Variants in ZNF559 observed in about 807,000 individuals in gnomAD.
ZNF559 encodes the protein zinc finger protein 559.
In ZNF559, 17 loss-of-function variants were observed where a neutral mutation model predicts 14.2. The ratio of observed to expected loss-of-function variants is 1.20; its 90% CI spans 0.82 to 1.80. ZNF559 has a LOEUF of 1.80. Among genes scored for constraint, ZNF559 ranks in the 40% most tolerant of loss-of-function variants. ZNF559 has a pLI of 0.00. For missense variants in ZNF559, 740 were observed against 629.7 expected, an observed-to-expected ratio of 1.18 and a Z score of -1.88; for synonymous variants, 244 against 212.4, an observed-to-expected ratio of 1.15 and a Z score of -1.29.
rs138662165 is a variant in ZNF559, at chr19:9,341,964, A to G, written c.513A>G (p.Leu171=). The G allele has an allele frequency of 7.4e-6, 12 of 1,613,676 alleles. No homozygotes were observed. The highest frequency in any genetic ancestry group is 1.0e-5 in the Non-Finnish European group (12 of 1,179,924). The change falls in exon 7 of 7, where the codon CTA becomes CTG. Residue 171 remains leucine, a synonymous_variant. Transcript: ENST00000603380. ...TTTGCAAGAAAACTAGCCAAAATCT[A>G]CATCTTGTTTGCAAGAAAACTCACA... ...HLVCKKTSQN[L]HLVCKKTHTQ...
Position 9,341,562 on chromosome 19 carries a change from A to C in ZNF559, c.244-133A>C, listed in dbSNP as rs947962346. ...AGGTCTGAACCATGCCTTGCAATGA[A>C]AATGGCAGGAACAAACAGTTTCAAT... On this transcript the variant is annotated intron_variant, in intron 6 of 6. Coordinates refer to ENST00000603380, the MANE Select transcript of ZNF559 (RefSeq NM_032497.3). The C allele has an allele frequency of 1.1e-5, 17 of 1,495,002 alleles. No individual in the cohort carries two copies. The Admixed American group carries it at 3.1e-4, about 27-fold the overall frequency. The allele number at this position is 1,495,002 out of a possible 1,614,324, so 92.6% of individuals were successfully genotyped here.
intron 2 of ZNF559, among the ~76,000 whole-genome samples, chr19:9,328,551 T>C (rs10423605): frequency 0.61 from 92,272 of 151,338 alleles, 28,737 homozygotes; most frequent in African/African-American, 0.73. Flanking sequence ...CGAGCTTTCA[T>C]CATGTTGGCT....
chr19:9,323,918 CTCT>C (rs2066425322), upstream of ZNF559: 1 of 560,732 alleles, frequency 1.8e-6, no homozygotes, highest in African/African-American at 1.9e-5. Flanking sequence ...CAAATCCCAG[CTCT>C]TGTTCTTTTG....
In ZNF559 at chr19:9,342,491, A is replaced by G; in HGVS notation, c.1040A>G (p.His347Arg). Residue 347 changes from histidine (H) to arginine (R), a missense_variant, in exon 7 of 7, where the codon CAC (histidine) becomes CGC (arginine). By Grantham distance (29) the His-to-Arg change is conservative. Coordinates refer to ENST00000603380, the MANE Select transcript of ZNF559 (RefSeq NM_032497.3). ...SSGLIKHRRT[H>R]TGEKPYECKE... ...GGTCTTATAAAACACAGGCGAACTC[A>G]CACTGGAGAAAAGCCTTATGAATGT... is the stretch of plus-strand genomic sequence containing the variant. 6.2e-7 allele frequency: 1 copy of G among 1,614,206 alleles called. No homozygotes were observed. Among genetic ancestry groups the G allele is most frequent in the Non-Finnish European group, 8.5e-7 (1 of 1,180,030 alleles).
intron 3 of ZNF559, 85 bp from the exon 4 acceptor site, chr19:9,338,409 G>T: frequency 1.1e-6 from 1 of 942,878 alleles, no homozygotes; most frequent in East Asian, 2.6e-5. Flanking sequence ...TGTCCACTTA[G>T]CATTAGTATG....
chr19:9,340,607 G>T (rs183508806), intron 5 of ZNF559, among the ~76,000 whole-genome samples: 1 of 139,756 alleles, frequency 7.2e-6, no homozygotes, highest in Non-Finnish European at 1.5e-5. Context: ...TTGCTCTATC[G>T]CCAGGCTGAA....
rs1396770496 is a variant in ZNF559 at position 9,339,239 on chromosome 19, A to G, written c.80A>G (p.Glu27Gly). 2.5e-6 allele frequency: 4 copies of G among 1,613,964 alleles called. No homozygotes were observed. The South Asian group carries it at 3.3e-5, about 13-fold the overall frequency. ...GTGGCTGTGGACTTCACCCAGGAGGAGTGGACTTTGCTGGATCAAACTCAG... is the reference window on the plus strand; with the variant it reads ...GTGGCTGTGGACTTCACCCAGGAGGGGTGGACTTTGCTGGATCAAACTCAG... Reference protein sequence around the residue: ...EDVAVDFTQEEWTLLDQTQRN... With the variant: ...EDVAVDFTQEGWTLLDQTQRN... The change falls in exon 5 of 7, where the codon GAG (glutamate) becomes GGG (glycine). Residue 27 changes from glutamate (E) to glycine (G), a missense_variant. Transcript: ENST00000603380.
In ZNF559 at chr19:9,341,441, T is replaced by C. The variant is rs956226231; in HGVS notation, c.244-254T>C. The C allele has an allele frequency of 1.3e-5, 10 of 779,028 alleles. No individual in the cohort carries two copies. In the African/African-American group the frequency reaches 1.7e-4, roughly 13 times the overall value. The allele number at this position is 779,028 out of a possible 1,614,324, so 48.3% of individuals were successfully genotyped here. On this transcript the variant is annotated intron_variant, in intron 6 of 6. Coordinates refer to ENST00000603380, the MANE Select transcript of ZNF559 (RefSeq NM_032497.3). ...ATGTTTTTGATAAATAATTCACTCT[T>C]GGGCCGTTATCAGCTAAGCTCTATT...
At chr19:9,340,733 A>ATTTTTTTTTTTTTTTTTTTTTTTTT (rs201367378) in intron 5 of ZNF559, among the ~76,000 whole-genome samples, 8 of 124,660 alleles carry the variant, frequency 6.4e-5, no homozygotes, top group Admixed American at 1.7e-4. Context: ...TGCCTGGCTA[A>ATTTTTTTTTTTTTTTTTTTTTTTTT]TTTTTTTTTT....
rs772104811 is a variant in ZNF559 at position 9,338,594 on chromosome 19, A to G, written c.33+12A>G. 1 of 1,606,404 alleles carries G rather than the reference A, an allele frequency of 6.2e-7. No individual in the cohort carries two copies. Among genetic ancestry groups the G allele is most frequent in the South Asian group, 1.1e-5 (1 of 90,882 alleles). On this transcript the variant is annotated intron_variant, in intron 4 of 6. Transcript: ENST00000603380. ...CAAATTACTCTCAGGTAAGTAGGAA[A>G]TTGCTTTTTCTGTAGAAGCATATGC...
rs926701256 is a variant in ZNF559 at position 9,337,863 on chromosome 19, G to C, written c.-57+5G>C. The C allele has an allele frequency of 6.6e-7, 1 of 1,511,450 alleles. No individual in the cohort carries two copies. Among genetic ancestry groups the C allele is most frequent in the Admixed American group, 2.0e-5 (1 of 49,216 alleles). The allele number at this position is 1,511,450 out of a possible 1,614,324, so 93.6% of individuals were successfully genotyped here. On this transcript the variant is annotated splice_donor_5th_base_variant and intron_variant, in intron 3 of 6. Transcript: ENST00000603380. Reference sequence around the variant, plus strand: ...CCTGTTGCTGAAAGATTGACGGTATGAGGCAAGACTCCCACTACTACTTAA... The same window carrying C: ...CCTGTTGCTGAAAGATTGACGGTATCAGGCAAGACTCCCACTACTACTTAA...
chr19:9,330,607 A>G (rs1406949774), intron 2 of ZNF559, among the ~76,000 whole-genome samples: 1 of 152,040 alleles, frequency 6.6e-6, no homozygotes, highest in Non-Finnish European at 1.5e-5. Flanking sequence ...TTAATATTTT[A>G]GTTCAATTAT....
intron 2 of ZNF559, among the ~76,000 whole-genome samples, chr19:9,330,953 G>A (rs752049364): frequency 3.3e-5 from 5 of 152,096 alleles, no homozygotes; most frequent in East Asian, 1.9e-4. Context: ...TGGGAAAGAC[G>A]TTCATCCATT....
Position 9,332,355 on chromosome 19 carries a change from G to GTGTATA in ZNF559, c.-119-5440_-119-5439insGTATAT, listed in dbSNP as rs138636441. 6.7e-3 allele frequency among the ~76,000 whole-genome samples: 1,009 copies of GTGTATA among 149,808 alleles called. 4 individuals carry two copies. The highest frequency in any genetic ancestry group is 0.02 in the African/African-American group (819 of 40,972). On this transcript the variant is annotated intron_variant, in intron 2 of 6. Transcript: ENST00000603380. Reference sequence around the variant, plus strand: ...GAGGTATACATATGTATGTGTGTGTGTATATATATATATATCACTGTATTC... The same window carrying GTGTATA: ...GAGGTATACATATGTATGTGTGTGTGTGTATATATATATATATATATCACTGTATTC...
At chr19:9,326,169 G>T (rs985021779) in intron 2 of ZNF559, among the ~76,000 whole-genome samples, 2 of 136,614 alleles carry the variant, frequency 1.5e-5, no homozygotes, top group African/African-American at 5.4e-5. Flanking sequence ...GAGTGCAGTG[G>T]TGTGATCTCA....
intron 3 of ZNF559, 58 bp downstream of exon 3, chr19:9,337,916 A>C (rs2067328809): frequency 6.5e-7 from 1 of 1,535,402 alleles, no homozygotes; most frequent in East Asian, 2.4e-5. Flanking sequence ...TGACTTACCC[A>C]TAAGTTCAGA....
Position 9,343,417 on chromosome 19 carries a change from C to G in ZNF559, c.*349C>G. ...AAGGTGGAAAAGCTTTCATTATTTT[C>G]CTCGGGCCTTACTGAGCTTGTGAGC... On this transcript the variant is annotated 3_prime_UTR_variant, in exon 7 of 7. Coordinates refer to ENST00000603380, the MANE Select transcript of ZNF559 (RefSeq NM_032497.3). 9.2e-7 allele frequency: 1 copy of G among 1,086,410 alleles called. No individual in the cohort carries two copies. The highest frequency in any genetic ancestry group is 1.1e-6 in the Non-Finnish European group (1 of 892,740). The allele number at this position is 1,086,410 out of a possible 1,614,324, so 67.3% of individuals were successfully genotyped here.
chr19:9,329,327 A>G (rs562802456), intron 2 of ZNF559, among the ~76,000 whole-genome samples: 2 of 152,314 alleles, frequency 1.3e-5, no homozygotes, highest in Admixed American at 6.5e-5. Flanking sequence ...GTCATTGTTG[A>G]AAGTGGAGTG....
Position 9,337,780 on chromosome 19 carries a change from A to G in ZNF559, c.-119-16A>G, listed in dbSNP as rs1422005025. Reference sequence around the variant, plus strand: ...TACTCTAGTGGCACTCACATGAACAACTTCATCTTCTGCAGAGAGATGGCT... The same window carrying G: ...TACTCTAGTGGCACTCACATGAACAGCTTCATCTTCTGCAGAGAGATGGCT... On this transcript the variant is annotated splice_polypyrimidine_tract_variant and intron_variant, in intron 2 of 6. Coordinates refer to ENST00000603380, the MANE Select transcript of ZNF559 (RefSeq NM_032497.3). 1.6e-5 allele frequency: 23 copies of G among 1,429,558 alleles called. No individual in the cohort carries two copies. Among genetic ancestry groups the G allele is most frequent in the Non-Finnish European group, 1.9e-5 (21 of 1,094,650 alleles). The allele number at this position is 1,429,558 out of a possible 1,614,324, so 88.6% of individuals were successfully genotyped here. A position where few individuals can be genotyped will look rare whatever the true frequency, so the allele number is the denominator to read the frequency against.
Sources: allele counts gnomAD v4.1 joint callset (sites outside exome capture counted in the v4.1 genomes callset), GRCh38; gene constraint gnomAD v4.1.1; transcripts MANE v1.5; gene names NCBI Gene and HGNC (gene_info 2026-07-23, HGNC 2026-07-21).